Variants in GFPT1 observed in about 807,000 individuals in gnomAD.
GFPT1 encodes glutamine--fructose-6-phosphate aminotransferase [isomerizing] 1.
GFPT1 carries 40 observed loss-of-function variants against 92.0 expected under a neutral mutation model. The observed-to-expected ratio is 0.43, with a 90% CI of 0.34 to 0.57. The LOEUF is 0.57. Among genes scored for constraint, GFPT1 ranks in the 20% least tolerant of loss-of-function variants. GFPT1 has a pLI of 0.02. For synonymous variants in GFPT1, 269 were observed against 280.6 expected (o/e 0.96, Z 0.41); for missense variants, 448 against 869.1 (o/e 0.52, Z 6.09).
chr2:69,354,438 G>A (rs533460226), intron 8 of GFPT1, 51 bp downstream of exon 8: 1 of 1,324,412 alleles, frequency 7.6e-7, no homozygotes, highest in African/African-American at 1.4e-5. Flanking sequence ...TCCAACTTAA[G>A]GAAAATAATT....
intron 3 of GFPT1, among the ~76,000 whole-genome samples, chr2:69,364,230 T>C (rs554226355): frequency 6.6e-6 from 1 of 151,604 alleles, no homozygotes; most frequent in African/African-American, 2.4e-5. Flanking sequence ...TAAAGATAAA[T>C]AAAGATTTAG....
At position 69,323,275 on chromosome 2, in the gene GFPT1, C is replaced by A. The variant is rs1670456486; in HGVS notation, c.*2914G>T. On this transcript the variant is annotated 3_prime_UTR_variant, in exon 20 of 20. Transcript: ENST00000357308. ...GTGAATTAAAACTTTAAATGTACTA[C>A]AAGAAAGAACTTTTTATATGAAGGA... 2 of 152,158 alleles carry A rather than the reference C, an allele frequency of 1.3e-5. No homozygotes were observed. The highest frequency in any genetic ancestry group is 4.1e-4 in the South Asian group (2 of 4,834). 9.4% of individuals were successfully genotyped at this position (152,158 alleles called of 1,614,324 possible). A position where few individuals can be genotyped will look rare whatever the true frequency, so the allele number is the denominator to read the frequency against.
At chr2:69,381,350 G>A (rs998487435) in intron 1 of GFPT1, among the ~76,000 whole-genome samples, 6 of 151,864 alleles carry the variant, frequency 4.0e-5, no homozygotes, top group Admixed American at 2.0e-4. Context: ...TATGCTGTCC[G>A]GGCTGGTATC....
rs1670845296 is a variant in GFPT1 at position 69,338,109 on chromosome 2, T to C, written c.1325-54A>G. 4.0e-5 allele frequency: 61 copies of C among 1,532,254 alleles called. 1 individual carries two copies. In the South Asian group the frequency reaches 6.7e-4, roughly 17 times the overall value. The allele number at this position is 1,532,254 out of a possible 1,614,324, so 94.9% of individuals were successfully genotyped here. ...CACAGAACAGTTTTAACATATGCTGTTTCTTAGGAGCAAAAACAAATTGAC... is the reference window on the plus strand; with the variant it reads ...CACAGAACAGTTTTAACATATGCTGCTTCTTAGGAGCAAAAACAAATTGAC... On this transcript the variant is annotated intron_variant, in intron 14 of 19. Transcript: ENST00000357308.
At chr2:69,386,000 C>T (rs1175349809) in intron 1 of GFPT1, among the ~76,000 whole-genome samples, 1 of 144,158 alleles carries the variant, frequency 6.9e-6, no homozygotes, top group African/African-American at 2.6e-5. Context: ...AGAGAGTTTT[C>T]AATTCTCTTA....
chr2:69,329,894 G>A (rs1288444891), intron 15 of GFPT1, 96 bp from the exon 16 acceptor site: 25 of 765,326 alleles, frequency 3.3e-5, no homozygotes. Flanking sequence ...AATTCCCATT[G>A]GTTTTACAGT....
At chr2:69,370,227 T>A (rs1005592304) in intron 2 of GFPT1, 119 bp from the exon 3 acceptor site, 1 of 710,146 alleles carries the variant, frequency 1.4e-6, no homozygotes, top group Non-Finnish European at 2.5e-6. Context: ...CACTAATGTA[T>A]TAATTCAATT....
At chr2:69,383,614 A>C (rs1335226498) in intron 1 of GFPT1, among the ~76,000 whole-genome samples, 3 of 151,976 alleles carry the variant, frequency 2.0e-5, no homozygotes, top group Non-Finnish European at 1.5e-5. Flanking sequence ...TTATTTATTT[A>C]TTTATTTACT....
intron 2 of GFPT1, among the ~76,000 whole-genome samples, chr2:69,370,799 G>A (rs566511976): frequency 6.6e-6 from 1 of 152,226 alleles, no homozygotes; most frequent in South Asian, 2.1e-4. Context: ...ATACCTCAAA[G>A]GACTTGTTGA....
intron 9 of GFPT1, 35 bp from the exon 10 acceptor site, chr2:69,350,218 G>A (rs1007426953): frequency 3.1e-5 from 41 of 1,336,450 alleles, no homozygotes; most frequent in Non-Finnish European, 4.4e-5. Context: ...TGGCAAACAT[G>A]TAGAAAATCA....
intron 17 of GFPT1, 147 bp downstream of exon 17, chr2:69,329,150 C>T: frequency 2.6e-6 from 2 of 783,226 alleles, no homozygotes; most frequent in Non-Finnish European, 4.3e-6. Flanking sequence ...CTCTGTTGCA[C>T]TTTCTCAAAG....
Position 69,356,741 on chromosome 2 carries a change from ATT to A in GFPT1, c.544-186_544-185del, listed in dbSNP as rs67434964. Among the ~76,000 whole-genome samples, 1,489 of 143,372 alleles carry A rather than the reference ATT, an allele frequency of 0.01. 20 individuals are homozygous for A. Among genetic ancestry groups the A allele is most frequent in the African/African-American group, 0.031 (1,187 of 38,828 alleles). 94.1% of individuals were successfully genotyped at this position (143,372 alleles called of 152,430 possible). On this transcript the variant is annotated intron_variant, in intron 6 of 19. Coordinates refer to ENST00000357308, the MANE Select transcript of GFPT1 (RefSeq NM_001244710.2). ...AAGCTTTGGTGTATCCAAGACCCAC[ATT>A]TTTTTTTTTTTTTGAGATGGAGTCT...
At chr2:69,369,513 C>A (rs981704253) in intron 3 of GFPT1, among the ~76,000 whole-genome samples, 1 of 152,132 alleles carries the variant, frequency 6.6e-6, no homozygotes, top group East Asian at 1.9e-4. Flanking sequence ...TCTGACAACT[C>A]CTTGTGCCAG....
intron 9 of GFPT1, among the ~76,000 whole-genome samples, chr2:69,352,042 ACT>A (rs1298513567): frequency 6.7e-5 from 10 of 149,734 alleles, no homozygotes; most frequent in East Asian, 6.0e-4. Context: ...TGGGCAGATC[ACT>A]TGAGGTCAGG....
chr2:69,359,316 A>G lies in GFPT1; in HGVS notation c.360T>C (p.Val120=). Residue 120 remains valine, a synonymous_variant, in exon 5 of 20, where the codon GTT becomes GTC. Coordinates refer to ENST00000357308, the MANE Select transcript of GFPT1 (RefSeq NM_001244710.2). The part of the protein sequence containing the change: ...QRSDKNNEFI[V]IHNGIITNYK... The stretch of plus-strand genomic sequence containing the variant: ...AGTTGGTGATGATTCCATTGTGAAT[A>G]ACGATAAATTCTAAAAGAGGTAAAA... 2 of 1,571,014 alleles carry G rather than the reference A, an allele frequency of 1.3e-6. No homozygotes were observed. Among genetic ancestry groups the G allele is most frequent in the Non-Finnish European group, 1.8e-6 (2 of 1,142,138 alleles).
chr2:69,361,310 T>C (rs1219217218), intron 4 of GFPT1, among the ~76,000 whole-genome samples: 2 of 151,496 alleles, frequency 1.3e-5, no homozygotes, highest in African/African-American at 2.4e-5. Context: ...TTGCCAGGCG[T>C]GGTGTCAGGC....
At chr2:69,362,084 A>G (rs1671486977) in intron 4 of GFPT1, among the ~76,000 whole-genome samples, 1 of 152,172 alleles carries the variant, frequency 6.6e-6, no homozygotes, top group African/African-American at 2.4e-5. Flanking sequence ...GAACAGACTC[A>G]ATAATTGGTG....
chr2:69,363,511 C>T (rs148953555), intron 4 of GFPT1, 34 bp downstream of exon 4: 2 of 1,606,736 alleles, frequency 1.2e-6, no homozygotes, highest in South Asian at 1.1e-5. Context: ...TAGGTTTCCA[C>T]AATCATTCCA....
intron 10 of GFPT1, among the ~76,000 whole-genome samples, chr2:69,349,707 T>C (rs1671162093): frequency 6.6e-6 from 1 of 152,180 alleles, no homozygotes; most frequent in African/African-American, 2.4e-5. Flanking sequence ...AAAACTACAA[T>C]AGTTTAGCAA....
Sources: allele counts gnomAD v4.1 joint callset (sites outside exome capture counted in the v4.1 genomes callset), GRCh38; gene constraint gnomAD v4.1.1; transcripts MANE v1.5; gene names NCBI Gene and HGNC (gene_info 2026-07-23, HGNC 2026-07-21).